Variants in GALNTL6 observed in about 807,000 individuals in gnomAD.
The protein encoded by GALNTL6 is polypeptide N-acetylgalactosaminyltransferase-like 6.
In GALNTL6, 46 loss-of-function variants were observed where a neutral mutation model predicts 73.7. That is an observed-to-expected ratio of 0.62 (90% CI 0.49 to 0.80). The LOEUF (loss-of-function observed/expected upper bound fraction) is 0.80, where lower values mean the gene tolerates loss of function less well. Ranked by LOEUF, GALNTL6 falls within the 30% of genes least tolerant of loss-of-function variation. The pLI is 0.00. For missense variants in GALNTL6, 604 were observed against 755.0 expected (o/e 0.80, Z 2.34); for synonymous variants, 259 against 263.7 (o/e 0.98, Z 0.17).
chr4:173,004,250 A>G (rs1414433088), intron 10 of GALNTL6, among the ~76,000 whole-genome samples: 1 of 152,138 alleles, frequency 6.6e-6, no homozygotes, highest in Admixed American at 6.5e-5. Flanking sequence ...AGACCTGCTT[A>G]GTCTCCATCC....
intron 2 of GALNTL6, among the ~76,000 whole-genome samples, chr4:172,074,267 C>A (rs1043850028): frequency 1.3e-5 from 2 of 152,154 alleles, no homozygotes; most frequent in Non-Finnish European, 2.9e-5. Context: ...CCCACCTTAT[C>A]ATTTAAAAAT....
chr4:172,489,049 G>C (rs1733805056), intron 5 of GALNTL6, among the ~76,000 whole-genome samples: 2 of 152,160 alleles, frequency 1.3e-5, no homozygotes, highest in South Asian at 4.1e-4. Context: ...GTGTAACTTT[G>C]CCAGTTCGCA....
intron 5 of GALNTL6, among the ~76,000 whole-genome samples, chr4:172,777,849 C>A (rs931814683): frequency 1.3e-5 from 2 of 152,120 alleles, no homozygotes; most frequent in Non-Finnish European, 2.9e-5. Flanking sequence ...GGCAATGATA[C>A]CCACACAGGT....
At chr4:172,955,294 A>G (rs1229464082) in intron 10 of GALNTL6, among the ~76,000 whole-genome samples, 1 of 152,108 alleles carries the variant, frequency 6.6e-6, no homozygotes, top group Non-Finnish European at 1.5e-5. Flanking sequence ...CCTAGCCAAC[A>G]TGGTGAAACC....
At chr4:171,912,514 T>A (rs1205789215) in intron 2 of GALNTL6, among the ~76,000 whole-genome samples, 2 of 152,216 alleles carry the variant, frequency 1.3e-5, no homozygotes, top group Admixed American at 1.3e-4. Context: ...GTAACTGGGA[T>A]ATGCATCACC....
At chr4:172,751,198 G>C (rs1737401712) in intron 5 of GALNTL6, among the ~76,000 whole-genome samples, 1 of 152,184 alleles carries the variant, frequency 6.6e-6, no homozygotes, top group Non-Finnish European at 1.5e-5. Context: ...AAACAGGAGA[G>C]TGAGAAAACA....
At chr4:172,042,125 A>C (rs1742102931) in intron 2 of GALNTL6, among the ~76,000 whole-genome samples, 1 of 152,048 alleles carries the variant, frequency 6.6e-6, no homozygotes, top group Non-Finnish European at 1.5e-5. Flanking sequence ...TTTTAGGTAA[A>C]GACACATTTT....
intron 5 of GALNTL6, among the ~76,000 whole-genome samples, chr4:172,451,560 A>G (rs1443397969): frequency 1.3e-5 from 2 of 152,160 alleles, no homozygotes; most frequent in Admixed American, 6.5e-5. Flanking sequence ...AGAGGTTGGG[A>G]TCTGACTTCT....
At chr4:172,843,099 T>C (rs1204349699) in intron 7 of GALNTL6, among the ~76,000 whole-genome samples, 1 of 152,076 alleles carries the variant, frequency 6.6e-6, no homozygotes, top group Non-Finnish European at 1.5e-5. Context: ...CTGTCAAAGG[T>C]CCTCTGTAGC....
intron 8 of GALNTL6, among the ~76,000 whole-genome samples, chr4:172,885,478 T>C (rs1157393834): frequency 6.6e-6 from 1 of 152,194 alleles, no homozygotes; most frequent in East Asian, 1.9e-4. Context: ...TTTAGGTTTT[T>C]CTAAAAGTAA....
intron 5 of GALNTL6, among the ~76,000 whole-genome samples, chr4:172,373,898 G>A (rs542493888): frequency 5.9e-5 from 9 of 152,192 alleles, no homozygotes; most frequent in Non-Finnish European, 1.2e-4. Flanking sequence ...CACTGAGAAG[G>A]CCGCGCCAGT....
At chr4:172,145,230 C>G (rs1733898069) in intron 2 of GALNTL6, among the ~76,000 whole-genome samples, 1 of 152,084 alleles carries the variant, frequency 6.6e-6, no homozygotes, top group African/African-American at 2.4e-5. Flanking sequence ...AGCTCCACCT[C>G]CTGGGTTCAC....
At position 172,124,923 on chromosome 4, in the gene GALNTL6, G is replaced by T. The variant is rs115420943; in HGVS notation, c.139-104733G>T. ...AAAAAAATTAGACACATCAAGAAAT[G>T]CCAAGAGCACAGAATGAATTTATGC... On this transcript the variant is annotated intron_variant, in intron 2 of 12. Coordinates refer to ENST00000506823, the MANE Select transcript of GALNTL6 (RefSeq NM_001034845.3). Among the ~76,000 whole-genome samples, 1,241 of 152,190 alleles carry T rather than the reference G, an allele frequency of 8.2e-3. 19 individuals are homozygous for T. Among genetic ancestry groups the T allele is most frequent in the African/African-American group, 0.028 (1,172 of 41,512 alleles).
intron 9 of GALNTL6, among the ~76,000 whole-genome samples, chr4:172,944,569 C>T (rs1364569226): frequency 2.6e-5 from 4 of 152,140 alleles, no homozygotes; most frequent in Admixed American, 6.5e-5. Flanking sequence ...AAGTTAGACA[C>T]ATACCTAGAG....
At chr4:172,054,173 A>G (rs1295846041) in intron 2 of GALNTL6, among the ~76,000 whole-genome samples, 1 of 151,428 alleles carries the variant, frequency 6.6e-6, no homozygotes, top group African/African-American at 2.4e-5. Flanking sequence ...TAATTTTTCT[A>G]TTAATATTAT....
At chr4:171,929,938 G>A (rs1738123730) in intron 2 of GALNTL6, among the ~76,000 whole-genome samples, 1 of 152,166 alleles carries the variant, frequency 6.6e-6, no homozygotes, top group South Asian at 2.1e-4. Flanking sequence ...TGTCTGCCCC[G>A]TGTCCCCAGA....
intron 2 of GALNTL6, among the ~76,000 whole-genome samples, chr4:172,205,657 C>G (rs537857255): frequency 7.2e-5 from 11 of 152,328 alleles, no homozygotes; most frequent in Non-Finnish European, 1.2e-4. Context: ...AGAGCATAGG[C>G]AGTGTTATCA....
chr4:172,469,064 C>A (rs1412284133), intron 5 of GALNTL6, among the ~76,000 whole-genome samples: 1 of 152,134 alleles, frequency 6.6e-6, no homozygotes, highest in Non-Finnish European at 1.5e-5. Context: ...TCACCCATGA[C>A]CCTCTCCTGA....
At chr4:172,082,868 T>A (rs2174490) in intron 2 of GALNTL6, among the ~76,000 whole-genome samples, 20,096 of 152,128 alleles carry the variant, frequency 0.13, 1,566 homozygotes, top group Admixed American at 0.2. Flanking sequence ...TTATTGGAAG[T>A]GGAGGGAGAG....
Sources: gnomAD v4.1 joint callset for allele counts (sites outside exome capture counted in the v4.1 genomes callset) on GRCh38, gnomAD v4.1.1 for gene constraint, MANE v1.5 for transcripts, NCBI Gene and HGNC (gene_info 2026-07-23, HGNC 2026-07-21) for gene names.